The following TBC1D15 variants were observed in gnomAD, a reference collection of about 807,000 sequenced individuals.
The protein encoded by TBC1D15 is GAP for RAB7.
In TBC1D15, 39 loss-of-function variants were observed where a neutral mutation model predicts 95.4. That is an observed-to-expected ratio of 0.41 (90% CI 0.32 to 0.53). The LOEUF is 0.53. TBC1D15 is among the 20% of genes least tolerant of loss of function. The pLI is 0.29. For missense variants in TBC1D15, 733 were observed against 794.3 expected, an observed-to-expected ratio of 0.92 and a Z score of 0.93; for synonymous variants, 258 against 261.3, an observed-to-expected ratio of 0.99 and a Z score of 0.12.
chr12:71,880,691 T>C, intron 4 of TBC1D15, 84 bp downstream of exon 4: 1 of 1,398,986 alleles, frequency 7.1e-7, no homozygotes, highest in East Asian at 2.4e-5. Flanking sequence ...TCGTGAATGC[T>C]CCTCAGTGAG....
intron 16 of TBC1D15, among the ~76,000 whole-genome samples, chr12:71,922,582 A>G (rs994668372): frequency 1.3e-5 from 2 of 152,210 alleles, no homozygotes; most frequent in Admixed American, 6.5e-5. Flanking sequence ...TTCTACAAAC[A>G]TTTATTTGAT....
chr12:71,902,883 C>T (rs1162010941), intron 10 of TBC1D15, among the ~76,000 whole-genome samples: 1 of 152,088 alleles, frequency 6.6e-6, no homozygotes, highest in African/African-American at 2.4e-5. Flanking sequence ...CAAGCAAAAA[C>T]AACCCCATTA....
intron 1 of TBC1D15, among the ~76,000 whole-genome samples, chr12:71,845,282 A>C (rs1886014570): frequency 6.6e-6 from 1 of 152,204 alleles, no homozygotes; most frequent in Non-Finnish European, 1.5e-5. Context: ...TAGTTTGGGC[A>C]GTGGTTATAC....
Position 71,850,684 on chromosome 12 carries a change from C to T in TBC1D15, c.30+10873C>T, listed in dbSNP as rs1266086181. Among the ~76,000 whole-genome samples the T allele has an allele frequency of 1.1e-4, 17 of 152,234 alleles. No individual in the cohort carries two copies. The East Asian group carries it at 2.5e-3, about 22-fold the overall frequency. ...ACCTGGGCCTCTGTATTAGTTTTCA[C>T]ATTGCTATAAAGAAATAGCTGAGGC... On this transcript the variant is annotated intron_variant, in intron 1 of 16. Coordinates refer to ENST00000485960, the MANE Select transcript of TBC1D15 (RefSeq NM_001146213.3).
At chr12:71,863,725 T>TAGGG (rs2138164000) in intron 1 of TBC1D15, among the ~76,000 whole-genome samples, 1 of 152,308 alleles carries the variant, frequency 6.6e-6, no homozygotes, top group South Asian at 2.1e-4. Flanking sequence ...TCACTCTTTT[T>TAGGG]TTTCCCCTCA....
Position 71,913,934 on chromosome 12 carries a change from C to T in TBC1D15, c.1401+8C>T. 2 of 1,564,188 alleles carry T rather than the reference C, an allele frequency of 1.3e-6. No homozygotes were observed. Among genetic ancestry groups the T allele is most frequent in the South Asian group, 2.3e-5 (2 of 85,186 alleles). On this transcript the variant is annotated splice_region_variant and intron_variant, in intron 12 of 16. Transcript: ENST00000485960. Reference sequence around the variant, plus strand: ...TCTTACATGGACCAAATGGTAAGAACAGAGATTCCTTCCATTAAACTGATT... The same window carrying T: ...TCTTACATGGACCAAATGGTAAGAATAGAGATTCCTTCCATTAAACTGATT...
chr12:71,857,169 T>C (rs2138050419), intron 1 of TBC1D15, among the ~76,000 whole-genome samples: 1 of 152,224 alleles, frequency 6.6e-6, no homozygotes. Flanking sequence ...AGGATGGTCT[T>C]GAACTCCTGG....
intron 10 of TBC1D15, among the ~76,000 whole-genome samples, chr12:71,901,167 C>T (rs900485276): frequency 4.6e-5 from 7 of 152,026 alleles, no homozygotes; most frequent in South Asian, 2.1e-4. Flanking sequence ...GCTGCATGCA[C>T]GCACCATCAC....
At chr12:71,882,629 A>G (rs1436035919) in intron 4 of TBC1D15, among the ~76,000 whole-genome samples, 2 of 152,122 alleles carry the variant, frequency 1.3e-5, no homozygotes, top group Non-Finnish European at 2.9e-5. Flanking sequence ...AACCATTTCT[A>G]TTTCTGGCTA....
At chr12:71,903,088 T>A (rs1592799549) in intron 10 of TBC1D15, among the ~76,000 whole-genome samples, 4 of 151,946 alleles carry the variant, frequency 2.6e-5, no homozygotes, top group Admixed American at 1.3e-4. Flanking sequence ...ATTTTAGAAT[T>A]TTTTTTTAGA....
rs148350194 is a variant in TBC1D15 at position 71,890,507 on chromosome 12, A to G, written c.555-2715A>G. On this transcript the variant is annotated intron_variant, in intron 5 of 16. Transcript: ENST00000485960. Reference sequence around the variant, plus strand: ...CATTTGTGGCCATGTTGTCTTCCCAATCTACTTCCTAGTGAATTAAGTTTG... The same window carrying G: ...CATTTGTGGCCATGTTGTCTTCCCAGTCTACTTCCTAGTGAATTAAGTTTG... 3.3e-4 allele frequency among the ~76,000 whole-genome samples: 50 copies of G among 152,218 alleles called. No homozygotes were observed. The South Asian group carries it at 4.6e-3, about 14-fold the overall frequency.
At chr12:71,902,338 G>A (rs1471728456) in intron 10 of TBC1D15, among the ~76,000 whole-genome samples, 1 of 152,076 alleles carries the variant, frequency 6.6e-6, no homozygotes, top group East Asian at 1.9e-4. Flanking sequence ...TACTGCAAGG[G>A]TATAGTAACT....
chr12:71,912,353 G>A (rs1178282046), intron 11 of TBC1D15, among the ~76,000 whole-genome samples: 3 of 152,042 alleles, frequency 2.0e-5, no homozygotes, highest in Non-Finnish European at 2.9e-5. Context: ...GAGAACCCAC[G>A]TGCCCTTTTA....
At chr12:71,869,544 A>G (rs946717297) in intron 1 of TBC1D15, among the ~76,000 whole-genome samples, 5 of 152,094 alleles carry the variant, frequency 3.3e-5, no homozygotes, top group Non-Finnish European at 7.3e-5. Flanking sequence ...AAAACAAAAC[A>G]AAACAAAACT....
intron 1 of TBC1D15, among the ~76,000 whole-genome samples, chr12:71,859,458 T>C (rs913329238): frequency 6.6e-6 from 1 of 152,056 alleles, no homozygotes; most frequent in Non-Finnish European, 1.5e-5. Flanking sequence ...GTAATCTTGT[T>C]TGTCTGTTTT....
chr12:71,919,497 C>T (rs1161618761), intron 14 of TBC1D15, among the ~76,000 whole-genome samples: 1 of 152,164 alleles, frequency 6.6e-6, no homozygotes, highest in African/African-American at 2.4e-5. Flanking sequence ...GAGGTTTTTA[C>T]AGCTGGAAAT....
Position 71,920,847 on chromosome 12 carries a change from G to T in TBC1D15, c.1716G>T (p.Lys572Asn). 1 of 1,598,972 alleles carries T rather than the reference G, an allele frequency of 6.3e-7. No homozygotes were observed. The highest frequency in any genetic ancestry group is 8.6e-7 in the Non-Finnish European group (1 of 1,169,400). ...EKHYGFNEILKHINELSMKID... is the reference protein window; with the variant it reads ...EKHYGFNEILNHINELSMKID... ...ATTATGGCTTCAATGAAATACTTAA[G>T]GTAGTTATTCCTTTAATTCAGATTT... Residue 572 changes from lysine (K) to asparagine (N), a missense_variant and splice_region_variant, in exon 15 of 17, where the codon AAG becomes AAT. By Grantham distance (94) the Lys-to-Asn change is moderately conservative (BLOSUM62 0). Transcript: ENST00000485960.
In TBC1D15 at chr12:71,918,517, T is replaced by G. The variant is rs776999633; in HGVS notation, c.1568T>G (p.Phe523Cys). 6 of 1,607,778 alleles carry G rather than the reference T, an allele frequency of 3.7e-6. No homozygotes were observed. Among genetic ancestry groups the G allele is most frequent in the African/African-American group, 1.3e-5 (1 of 74,298 alleles). The change falls in exon 14 of 17, where the codon TTT (phenylalanine) becomes TGT (cysteine). Residue 523 changes from phenylalanine (F) to cysteine (C), a missense_variant. Physicochemically the swap from Phe to Cys is radical, Grantham distance 205. Transcript: ENST00000485960. ...CTTTTAATCAGATTCAAAAGGGAAT[T>G]TAGTTTTCTAGATATTCTTCGATTA... is the stretch of plus-strand genomic sequence containing the variant. Reference protein sequence around the residue: ...RWLLIRFKREFSFLDILRLWE... With the variant: ...RWLLIRFKRECSFLDILRLWE...
chr12:71,893,536 T>C (rs1310485976), intron 6 of TBC1D15, among the ~76,000 whole-genome samples: 1 of 151,846 alleles, frequency 6.6e-6, no homozygotes, highest in Non-Finnish European at 1.5e-5. Flanking sequence ...AGAGGCTTCC[T>C]TGGTTCTTAG....
Sources: gnomAD v4.1 joint callset for allele counts (sites outside exome capture counted in the v4.1 genomes callset) on GRCh38, gnomAD v4.1.1 for gene constraint, MANE v1.5 for transcripts, NCBI Gene and HGNC (gene_info 2026-07-23, HGNC 2026-07-21) for gene names.